The following CAST variants were observed in gnomAD, a reference collection of about 807,000 sequenced individuals.
CAST encodes MIR583 host.
A neutral mutation model predicts 119.6 loss-of-function variants in CAST; 76 were observed. The ratio of observed to expected loss-of-function variants is 0.64; its 90% CI spans 0.53 to 0.77. The LOEUF is 0.77. Among genes scored for constraint, CAST ranks in the 30% least tolerant of loss-of-function variants. CAST has a pLI of 0.00. For missense variants in CAST, 953 were observed against 946.5 expected (o/e 1.01, Z -0.09); for synonymous variants, 319 against 331.6 (o/e 0.96, Z 0.41).
At chr5:95,967,689 G>A in the CAST span, among the ~76,000 whole-genome samples, 1 of 152,096 alleles carries the variant, frequency 6.6e-6, no homozygotes, top group Admixed American at 6.5e-5. Context: ...GAAGAAGGAC[G>A]TGTTTGCTTC....
chr5:96,715,035 G>C (rs1427350446), intron 3 of CAST: 3 of 152,094 alleles, frequency 2.0e-5, no homozygotes, highest in Admixed American at 6.5e-5. Context: ...ACAGTTGCTA[G>C]GCAACGTTTG....
the CAST span, among the ~76,000 whole-genome samples, chr5:96,419,749 T>A: frequency 1.3e-5 from 2 of 152,038 alleles, no homozygotes; most frequent in African/African-American, 4.8e-5. Flanking sequence ...CCTTTGCAGG[T>A]AACTCCCTGA....
the CAST span, among the ~76,000 whole-genome samples, chr5:96,432,362 G>C: frequency 6.6e-6 from 1 of 152,188 alleles, no homozygotes. Flanking sequence ...GCCCTTACAG[G>C]CTGCCAGGGC....
the CAST span, among the ~76,000 whole-genome samples, chr5:96,160,595 A>G: frequency 2.0e-5 from 3 of 152,146 alleles, no homozygotes; most frequent in Non-Finnish European, 4.4e-5. Flanking sequence ...TTGAGTACAC[A>G]TATGTTTTCA....
the CAST span, among the ~76,000 whole-genome samples, chr5:96,306,365 C>T: frequency 6.6e-6 from 1 of 151,970 alleles, no homozygotes; most frequent in Non-Finnish European, 1.5e-5. Context: ...GGCTAGTGGT[C>T]TATCTATTTT....
chr5:96,617,933 C>A (rs570070930), intron 1 of CAST, among the ~76,000 whole-genome samples: 9 of 147,124 alleles, frequency 6.1e-5, no homozygotes, highest in African/African-American at 2.3e-4. Flanking sequence ...TTGGAGATTA[C>A]TTCAGCTGGA....
chr5:96,036,623 A>G, the CAST span, among the ~76,000 whole-genome samples: 8 of 152,150 alleles, frequency 5.3e-5, no homozygotes, highest in Admixed American at 3.9e-4. Flanking sequence ...GGAAACTTTA[A>G]TTGATAACTG....
intron 1 of CAST, among the ~76,000 whole-genome samples, chr5:96,619,779 C>T (rs1022288868): frequency 2.0e-5 from 3 of 150,964 alleles, no homozygotes; most frequent in African/African-American, 5.0e-5. Context: ...GGCTTCATTC[C>T]TGAAGTCAGC....
rs540629688 is a variant in CAST, at chr5:96,599,434, C to A, written c.60+69554C>A. 1.6e-4 allele frequency among the ~76,000 whole-genome samples: 24 copies of A among 152,322 alleles called. No homozygotes were observed. The South Asian group carries it at 3.3e-3, about 21-fold the overall frequency. On this transcript the variant is annotated intron_variant, in intron 1 of 11. Coordinates refer to the CAST transcript ENST00000505143. ...TGGAATATAAATGTATCTATCTAAG[C>A]AAGCTGTAATGTTAAAAATTCATCT...
chr5:96,635,146 G>T (rs897593381), intron 1 of CAST, among the ~76,000 whole-genome samples: 2 of 152,206 alleles, frequency 1.3e-5, no homozygotes, highest in Admixed American at 1.3e-4. Flanking sequence ...AGCAATGTGA[G>T]CAGAGACATT....
chr5:96,746,465 C>A, intron 17 of CAST, 40 bp downstream of exon 17: 2 of 1,102,378 alleles, frequency 1.8e-6, no homozygotes, highest in Non-Finnish European at 1.4e-6. Flanking sequence ...AGCATCTTGC[C>A]TTTGCATCTT....
At chr5:96,335,035 A>G in the CAST span, among the ~76,000 whole-genome samples, 25 of 152,212 alleles carry the variant, frequency 1.6e-4, no homozygotes, top group African/African-American at 5.8e-4. Flanking sequence ...CCCCAGTTAC[A>G]CATGCCAAGA....
At chr5:96,672,353 A>G (rs918554295) in intron 1 of CAST, among the ~76,000 whole-genome samples, 2 of 152,126 alleles carry the variant, frequency 1.3e-5, no homozygotes, top group African/African-American at 4.8e-5. Context: ...ATGGGCATTC[A>G]TTGTATTATT....
At chr5:96,229,072 C>G in the CAST span, among the ~76,000 whole-genome samples, 1 of 151,766 alleles carries the variant, frequency 6.6e-6, no homozygotes, top group South Asian at 2.1e-4. Flanking sequence ...TCCATGTTAT[C>G]TATTACCTGG....
At chr5:96,591,457 A>G (rs889283989) in intron 1 of CAST, among the ~76,000 whole-genome samples, 2 of 152,242 alleles carry the variant, frequency 1.3e-5, no homozygotes, top group East Asian at 3.8e-4. Flanking sequence ...GCATATTTAA[A>G]ATTCAACATT....
chr5:96,561,776 T>TTA (rs1746366425), intron 1 of CAST, among the ~76,000 whole-genome samples: 1 of 121,814 alleles, frequency 8.2e-6, no homozygotes, highest in Non-Finnish European at 1.7e-5. Context: ...TATATGTGTA[T>TTA]TATATATATG....
the CAST span, among the ~76,000 whole-genome samples, chr5:96,518,149 T>C: frequency 3.3e-5 from 5 of 152,190 alleles, 1 homozygote; most frequent in African/African-American, 1.2e-4. Flanking sequence ...ACATCTAAAT[T>C]TGGGAGAAAA....
At chr5:96,412,363 C>A in the CAST span, 1 of 1,614,106 alleles carries the variant, frequency 6.2e-7, no homozygotes. Flanking sequence ...GCCGGCCAGG[C>A]CCCTCCACAG....
the CAST span, among the ~76,000 whole-genome samples, chr5:96,152,591 C>T: frequency 6.6e-6 from 1 of 152,132 alleles, no homozygotes; most frequent in South Asian, 2.1e-4. Flanking sequence ...AGAACCAACC[C>T]AAGGAGGTGA....
Sources: allele counts gnomAD v4.1 joint callset (sites outside exome capture counted in the v4.1 genomes callset), GRCh38; gene constraint gnomAD v4.1.1; transcripts MANE v1.5; gene names NCBI Gene and HGNC (gene_info 2026-07-23, HGNC 2026-07-21).